Variants in FIG4 observed in about 807,000 individuals in gnomAD.
FIG4 encodes the protein FIG4 phosphoinositide 5-phosphatase, also known as polyphosphoinositide phosphatase.
Under a neutral mutation model 118.6 loss-of-function variants are expected in FIG4, and 112 were observed. That is an observed-to-expected ratio of 0.94 (90% CI 0.81 to 1.11). FIG4 has a LOEUF of 1.11. Ranked by LOEUF, FIG4 falls within the 50% of genes least tolerant of loss-of-function variation. FIG4 has a pLI of 0.00. For missense variants in FIG4, 969 were observed against 1,111.7 expected (o/e 0.87, Z 1.83); for synonymous variants, 369 against 381.2 (o/e 0.97, Z 0.37).
At chr6:109,766,939 G>T (rs1160106890) in intron 15 of FIG4, 44 bp downstream of exon 15, 1 of 1,533,150 alleles carries the variant, frequency 6.5e-7, no homozygotes, top group Admixed American at 1.7e-5. Flanking sequence ...ACTCTGAAGT[G>T]CATTTTTTGT....
chr6:109,758,914 C>A (rs191839163), intron 10 of FIG4, among the ~76,000 whole-genome samples: 1 of 152,206 alleles, frequency 6.6e-6, no homozygotes, highest in Non-Finnish European at 1.5e-5. Context: ...TACCATCTCA[C>A]GCCAGTTAGA....
chr6:109,776,881 A>C (rs1311834670), intron 15 of FIG4, 41 bp from the exon 16 acceptor site: 1 of 1,498,302 alleles, frequency 6.7e-7, no homozygotes, highest in South Asian at 1.1e-5. Flanking sequence ...TTATATATCC[A>C]TCAGTAATGG....
intron 22 of FIG4, among the ~76,000 whole-genome samples, chr6:109,799,123 T>C (rs781401531): frequency 3.3e-5 from 5 of 152,262 alleles, no homozygotes; most frequent in Admixed American, 6.5e-5. Flanking sequence ...TGATCTGTAA[T>C]TGATCTTACA....
At chr6:109,758,419 A>T (rs1299423158) in intron 10 of FIG4, among the ~76,000 whole-genome samples, 1 of 135,984 alleles carries the variant, frequency 7.4e-6, no homozygotes, top group African/African-American at 2.7e-5. Flanking sequence ...AGAAAACAGA[A>T]ACTGGATCCT....
intron 22 of FIG4, among the ~76,000 whole-genome samples, chr6:109,809,028 A>AT (rs1434053494): frequency 2.6e-5 from 4 of 152,196 alleles, no homozygotes; most frequent in African/African-American, 9.7e-5. Context: ...GCATCAATGG[A>AT]TAAGAGAGTA....
chr6:109,782,391 T>G (rs1777831871), intron 16 of FIG4, among the ~76,000 whole-genome samples: 1 of 152,206 alleles, frequency 6.6e-6, no homozygotes, highest in South Asian at 2.1e-4. Flanking sequence ...CCCAAAAGAC[T>G]TGGAATCTTT....
intron 5 of FIG4, among the ~76,000 whole-genome samples, chr6:109,734,582 A>G (rs1408362181): frequency 6.6e-6 from 1 of 151,874 alleles, no homozygotes; most frequent in East Asian, 1.9e-4. Context: ...CAAAATTGTA[A>G]TGAAATTTAA....
intron 22 of FIG4, among the ~76,000 whole-genome samples, chr6:109,807,878 T>A (rs553635763): frequency 2.5e-4 from 38 of 152,316 alleles, no homozygotes; most frequent in Admixed American, 2.3e-3. Flanking sequence ...CTTTCCCCAT[T>A]GCTTGTTTTG....
chr6:109,808,273 T>C (rs750111890), intron 22 of FIG4, among the ~76,000 whole-genome samples: 12 of 148,566 alleles, frequency 8.1e-5, no homozygotes, highest in Non-Finnish European at 1.2e-4. Context: ...GACCCTTTCA[T>C]TGGGTCTGTG....
chr6:109,749,055 CTGTGTGTGTGTGTG>C lies in FIG4; in HGVS notation c.1137+5319_1137+5332del, dbSNP rs113357544. On this transcript the variant is annotated intron_variant, in intron 10 of 22. Coordinates refer to ENST00000230124, the MANE Select transcript of FIG4 (RefSeq NM_014845.6). ...CTACATGCATGGGCTCAAAGGAGCTCTGTGTGTGTGTGTGTGTGTGTGTGTGTGTGTGTGTGTGT... is the reference window on the plus strand; with the variant it reads ...CTACATGCATGGGCTCAAAGGAGCTCTGTGTGTGTGTGTGTGTGTGTGTGT... Among the ~76,000 whole-genome samples, 436 of 132,480 alleles carry C rather than the reference CTGTGTGTGTGTGTG, an allele frequency of 3.3e-3. 3 individuals carry two copies. Among genetic ancestry groups the C allele is most frequent in the African/African-American group, 5.7e-3 (200 of 35,104 alleles). The allele number at this position is 132,480 out of a possible 152,430, so 86.9% of individuals were successfully genotyped here.
chr6:109,782,300 T>C (rs977040176), intron 16 of FIG4, among the ~76,000 whole-genome samples: 6 of 152,194 alleles, frequency 3.9e-5, no homozygotes, highest in Admixed American at 2.0e-4. Context: ...ATCTTGGGCT[T>C]AGTCGTCTTA....
intron 10 of FIG4, among the ~76,000 whole-genome samples, chr6:109,747,289 GA>G (rs2128387745): frequency 6.6e-6 from 1 of 152,164 alleles, no homozygotes; most frequent in African/African-American, 2.4e-5. Context: ...AAGTGAGAAG[GA>G]AAAACCTCAG....
intron 4 of FIG4, among the ~76,000 whole-genome samples, chr6:109,730,801 G>T (rs1021633181): frequency 1.3e-5 from 2 of 152,020 alleles, no homozygotes; most frequent in African/African-American, 4.8e-5. Context: ...GAAAATAAAG[G>T]TAAATATTTT....
At chr6:109,818,560 G>C (rs1778924171) in intron 22 of FIG4, among the ~76,000 whole-genome samples, 1 of 152,152 alleles carries the variant, frequency 6.6e-6, no homozygotes, top group South Asian at 2.1e-4. Flanking sequence ...TAGGTAGGCT[G>C]TTAATCTCTT....
chr6:109,804,162 A>G lies in FIG4; in HGVS notation c.2546+7311A>G, dbSNP rs146871655. ...GGTTAATCTGGGGGAGCAGATTTGG[A>G]TATCTGATGTGGTCATATGAGGGGT... On this transcript the variant is annotated intron_variant, in intron 22 of 22. Coordinates refer to ENST00000230124, the MANE Select transcript of FIG4 (RefSeq NM_014845.6). 3.8e-3 allele frequency among the ~76,000 whole-genome samples: 573 copies of G among 152,174 alleles called. 1 individual carries two copies. The highest frequency in any genetic ancestry group is 0.013 in the African/African-American group (548 of 41,506).
intron 16 of FIG4, among the ~76,000 whole-genome samples, chr6:109,782,398 CT>C (rs1035925364): frequency 1.3e-5 from 2 of 152,120 alleles, no homozygotes; most frequent in Non-Finnish European, 2.9e-5. Context: ...GACTTGGAAT[CT>C]TTTAAAAGTG....
intron 15 of FIG4, among the ~76,000 whole-genome samples, chr6:109,769,898 G>A (rs1777406996): frequency 6.6e-6 from 1 of 152,202 alleles, no homozygotes; most frequent in Non-Finnish European, 1.5e-5. Context: ...TAGCCTGGGT[G>A]ACAGAGTGAG....
At chr6:109,762,243 G>T (rs368589158) in intron 12 of FIG4, 36 bp downstream of exon 12, 14 of 1,307,300 alleles carry the variant, frequency 1.1e-5, no homozygotes, top group Admixed American at 1.7e-5. Flanking sequence ...AATAAATGAT[G>T]ATTTTTGCTC....
intron 7 of FIG4, among the ~76,000 whole-genome samples, chr6:109,739,028 G>A (rs1227723566): frequency 1.3e-5 from 2 of 152,162 alleles, no homozygotes; most frequent in Non-Finnish European, 2.9e-5. Context: ...TTTGGTGCTA[G>A]AACTTTTGAA....
Sources: gnomAD v4.1 joint callset for allele counts (sites outside exome capture counted in the v4.1 genomes callset) on GRCh38, gnomAD v4.1.1 for gene constraint, MANE v1.5 for transcripts, NCBI Gene and HGNC (gene_info 2026-07-23, HGNC 2026-07-21) for gene names.